The following GPR27 variants were observed in gnomAD, a reference collection of about 807,000 sequenced individuals.
The protein encoded by GPR27 is G protein-coupled receptor 27, also known as probable G protein-coupled receptor 27.
A neutral mutation model predicts 2.4 loss-of-function variants in GPR27; 3 were observed. The ratio of observed to expected loss-of-function variants is 1.23; its 90% CI spans 0.56 to 3.18. The LOEUF (loss-of-function observed/expected upper bound fraction) is 3.18. GPR27 is among the 30% of genes most tolerant of loss of function. The pLI, the probability that GPR27 is intolerant of heterozygous loss-of-function variation, is 0.03. For synonymous variants in GPR27, 367 were observed against 296.4 expected (o/e 1.24, Z -2.45); for missense variants, 526 against 566.1 (o/e 0.93, Z 0.72).
At position 71,755,158 on chromosome 3, in the gene GPR27, T is replaced by C; in HGVS notation, c.1109T>C (p.Leu370Pro). 6.2e-7 allele frequency: 1 copy of C among 1,604,302 alleles called. No homozygotes were observed. The highest frequency in any genetic ancestry group is 1.3e-5 in the African/African-American group (1 of 74,956). Residue 370 changes from leucine (L) to proline (P), a missense_variant, in exon 1 of 1, where the codon CTG becomes CCG. Coordinates refer to ENST00000304411, the MANE Select transcript of GPR27 (RefSeq NM_018971.3). Reference protein sequence around the residue: ...RTTQATHPCDLKGIGL With the variant: ...RTTQATHPCDPKGIGL Reference sequence around the variant, plus strand: ...ACCCAGGCGACCCATCCCTGCGACCTGAAAGGCATTGGTTTATGAGGGAGG... The same window carrying C: ...ACCCAGGCGACCCATCCCTGCGACCCGAAAGGCATTGGTTTATGAGGGAGG...
chr3:71,755,227 G>A lies in GPR27; in HGVS notation c.*50G>A. Reference sequence around the variant, plus strand: ...CAACCCAGCCTTTCCCTTTGGCTCGGACGGTGACGTTGTATCTTTTCCTTC... The same window carrying A: ...CAACCCAGCCTTTCCCTTTGGCTCGAACGGTGACGTTGTATCTTTTCCTTC... On this transcript the variant is annotated 3_prime_UTR_variant, in exon 1 of 1. Transcript: ENST00000304411. The A allele has an allele frequency of 7.1e-7, 1 of 1,404,488 alleles. No homozygotes were observed. Among genetic ancestry groups the A allele is most frequent in the Non-Finnish European group, 9.6e-7 (1 of 1,039,174 alleles). The allele number at this position is 1,404,488 out of a possible 1,614,324, so 87.0% of individuals were successfully genotyped here. A position where few individuals can be genotyped will look rare whatever the true frequency, so the allele number is the denominator to read the frequency against.
Position 71,755,319 on chromosome 3 carries a change from C to A in GPR27, c.*142C>A. Reference sequence around the variant, plus strand: ...GAAGTGGACAGACACTTGGATTGTACTGACTCCTTTGGGGGTGGGGTGGGT... The same window carrying A: ...GAAGTGGACAGACACTTGGATTGTAATGACTCCTTTGGGGGTGGGGTGGGT... On this transcript the variant is annotated 3_prime_UTR_variant, in exon 1 of 1. Coordinates refer to ENST00000304411, the MANE Select transcript of GPR27 (RefSeq NM_018971.3). The A allele has an allele frequency of 1.4e-6, 1 of 721,656 alleles. No homozygotes were observed. Among genetic ancestry groups the A allele is most frequent in the Non-Finnish European group, 2.2e-6 (1 of 447,092 alleles). The allele number at this position is 721,656 out of a possible 1,614,324, so 44.7% of individuals were successfully genotyped here.
At position 71,754,123 on chromosome 3, in the gene GPR27, T is replaced by C; in HGVS notation, c.74T>C (p.Leu25Pro). ...GCCCTGGGCCTCAAGCTGGCCACGC[T>C]CAGCCTGCTGCTGTGCGTGAGCCTA... The part of the protein sequence containing the change: ...AAALGLKLAT[L>P]SLLLCVSLAG... The change falls in exon 1 of 1, where the codon CTC becomes CCC. Residue 25 changes from leucine (L) to proline (P), a missense_variant. Leu to Pro is a moderately conservative substitution (Grantham distance 98). Transcript: ENST00000304411. This position sits in a 1 kb window ranked among gnomAD's most constrained non-coding sequence, Gnocchi z 5.8. 1.4e-6 allele frequency: 2 copies of C among 1,432,618 alleles called. No homozygotes were observed. Among genetic ancestry groups the C allele is most frequent in the Non-Finnish European group, 1.8e-6 (2 of 1,083,934 alleles). 88.7% of individuals were successfully genotyped at this position (1,432,618 alleles called of 1,614,324 possible). A position where few individuals can be genotyped will look rare whatever the true frequency, so the allele number is the denominator to read the frequency against.
Position 71,753,932 on chromosome 3 carries a change from G to C in GPR27, c.-118G>C. On this transcript the variant is annotated 5_prime_UTR_variant, in exon 1 of 1. Transcript: ENST00000304411. ...GCCGGCCGGGAGCGGGCTGAGCCCCGCAGGACGGGGAGCTCGCCCAGGGCC... is the reference window on the plus strand; with the variant it reads ...GCCGGCCGGGAGCGGGCTGAGCCCCCCAGGACGGGGAGCTCGCCCAGGGCC... 9.9e-7 allele frequency: 1 copy of C among 1,007,272 alleles called. No individual in the cohort carries two copies. Among genetic ancestry groups the C allele is most frequent in the South Asian group, 4.5e-5 (1 of 22,238 alleles). The allele number at this position is 1,007,272 out of a possible 1,614,324, so 62.4% of individuals were successfully genotyped here.
Position 71,754,544 on chromosome 3 carries a change from C to G in GPR27, c.495C>G (p.Asp165Glu), listed in dbSNP as rs531462411. The G allele has an allele frequency of 1.9e-4, 252 of 1,349,584 alleles. No homozygotes were observed. In the African/African-American group the frequency reaches 3.7e-3, roughly 20 times the overall value. The allele number at this position is 1,349,584 out of a possible 1,614,324, so 83.6% of individuals were successfully genotyped here. A position where few individuals can be genotyped will look rare whatever the true frequency, so the allele number is the denominator to read the frequency against. ...AFPPVLDGGG[D>E]DEDAPCALEQ... ...CGCCAGTGCTGGACGGCGGTGGCGA[C>G]GACGAGGACGCGCCGTGCGCCCTGG... Residue 165 changes from aspartate (D) to glutamate (E), a missense_variant, in exon 1 of 1, where the codon GAC becomes GAG. This residue lies in a region of GPR27 where 312 missense variants were observed against 318.4 expected (regional missense o/e 0.98). Coordinates refer to ENST00000304411, the MANE Select transcript of GPR27 (RefSeq NM_018971.3). The surrounding 1 kb of genome is among the most constrained non-coding windows in gnomAD (Gnocchi z 5.8).
Position 71,755,299 on chromosome 3 carries a change from G to T in GPR27, c.*122G>T. On this transcript the variant is annotated 3_prime_UTR_variant, in exon 1 of 1. Transcript: ENST00000304411. The stretch of plus-strand genomic sequence containing the variant: ...AGCTGCCTTCAAAATGACTCGAAGT[G>T]GACAGACACTTGGATTGTACTGACT... 2 of 828,536 alleles carry T rather than the reference G, an allele frequency of 2.4e-6. No homozygotes were observed. The highest frequency in any genetic ancestry group is 3.7e-6 in the Non-Finnish European group (2 of 539,278). 51.3% of individuals were successfully genotyped at this position (828,536 alleles called of 1,614,324 possible).
Position 71,754,576 on chromosome 3 carries a change from G to C in GPR27, c.527G>C (p.Arg176Pro). 7.1e-7 allele frequency: 1 copy of C among 1,401,122 alleles called. No individual in the cohort carries two copies. The highest frequency in any genetic ancestry group is 9.3e-7 in the Non-Finnish European group (1 of 1,075,608). The allele number at this position is 1,401,122 out of a possible 1,614,324, so 86.8% of individuals were successfully genotyped here. Residue 176 changes from arginine (R) to proline (P), a missense_variant, in exon 1 of 1, where the codon CGG becomes CCG. Physicochemically the swap from Arg to Pro is moderately radical, Grantham distance 103 (BLOSUM62 -2). Around this residue, in one of 3 missense-constraint regions of GPR27, gnomAD observed 312 missense variants for 318.4 expected, o/e 0.98. Coordinates refer to ENST00000304411, the MANE Select transcript of GPR27 (RefSeq NM_018971.3). The surrounding 1 kb of genome is among the most constrained non-coding windows in gnomAD (Gnocchi z 5.8). ...GACGCGCCGTGCGCCCTGGAGCAGC[G>C]GCCCGACGGCGCCCCCGGCGCGCTG... ...DEDAPCALEQ[R>P]PDGAPGALGF...
chr3:71,754,842 C>T lies in GPR27; in HGVS notation c.793C>T (p.Arg265Cys), dbSNP rs757781684. Residue 265 changes from arginine to cysteine, a missense_variant, in exon 1 of 1, where the codon CGC (arginine) becomes TGC (cysteine). By Grantham distance (180) the Arg-to-Cys change is radical. Around this residue, in one of 3 missense-constraint regions of GPR27, gnomAD observed 98 missense variants for 146.7 expected, o/e 0.67. Coordinates refer to ENST00000304411, the MANE Select transcript of GPR27 (RefSeq NM_018971.3). The surrounding 1 kb of genome is among the most constrained non-coding windows in gnomAD (Gnocchi z 5.8). ...GGGCATCCGGCCCGCAGGGCCGGGC[C>T]GCGGCGCGCGCCGCCTCCTCGTGCT... ...LVGIRPAGPG[R>C]GARRLLVLEE... is the part of the protein sequence containing the mutation. 6.3e-6 allele frequency: 10 copies of T among 1,593,340 alleles called. No homozygotes were observed. Among genetic ancestry groups the T allele is most frequent in the Admixed American group, 1.7e-5 (1 of 57,770 alleles).
rs770587116 is a variant in GPR27, at chr3:71,754,996, C to T, written c.947C>T (p.Pro316Leu). 1.9e-6 allele frequency: 3 copies of T among 1,613,312 alleles called. No individual in the cohort carries two copies. Among genetic ancestry groups the T allele is most frequent in the Admixed American group, 1.7e-5 (1 of 60,010 alleles). ...LRVLVRPGAV[P>L]QAYLTASVWL... is the part of the protein sequence containing the mutation. Reference sequence around the variant, plus strand: ...GTCCTGGTGCGGCCCGGCGCCGTCCCCCAGGCCTACCTGACGGCCTCCGTG... The same window carrying T: ...GTCCTGGTGCGGCCCGGCGCCGTCCTCCAGGCCTACCTGACGGCCTCCGTG... The change falls in exon 1 of 1, where the codon CCC becomes CTC. Residue 316 changes from proline to leucine, a missense_variant. By Grantham distance (98) the Pro-to-Leu change is moderately conservative (BLOSUM62 -3). This residue lies in a region of GPR27 where 116 missense variants were observed against 100.9 expected (regional missense o/e 1.15). Coordinates refer to ENST00000304411, the MANE Select transcript of GPR27 (RefSeq NM_018971.3). The surrounding 1 kb of genome is among the most constrained non-coding windows in gnomAD (Gnocchi z 5.8).
chr3:71,754,466 C>T lies in GPR27; in HGVS notation c.417C>T (p.Cys139=). 7.5e-7 allele frequency: 1 copy of T among 1,330,008 alleles called. No individual in the cohort carries two copies. Among genetic ancestry groups the T allele is most frequent in the Non-Finnish European group, 9.7e-7 (1 of 1,034,568 alleles). The allele number at this position is 1,330,008 out of a possible 1,614,324, so 82.4% of individuals were successfully genotyped here. Residue 139 remains cysteine, a synonymous_variant, in exon 1 of 1, where the codon TGC becomes TGT. Coordinates refer to ENST00000304411, the MANE Select transcript of GPR27 (RefSeq NM_018971.3). The surrounding 1 kb of genome is among the most constrained non-coding windows in gnomAD (Gnocchi z 5.8). ...CAGAGCGCCTGGCCGGCTGGCCGTG[C>T]GCCGCCATGCTGGTGTGCGCCGCCT... ...FYAERLAGWP[C]AAMLVCAAWA... is the part of the protein sequence containing the mutation.
chr3:71,754,157 C>T lies in GPR27; in HGVS notation c.108C>T (p.Asn36=), dbSNP rs1355170492. 2 of 1,456,500 alleles carry T rather than the reference C, an allele frequency of 1.4e-6. No homozygotes were observed. Among genetic ancestry groups the T allele is most frequent in the Non-Finnish European group, 1.8e-6 (2 of 1,095,932 alleles). The allele number at this position is 1,456,500 out of a possible 1,614,324, so 90.2% of individuals were successfully genotyped here. A position where few individuals can be genotyped will look rare whatever the true frequency, so the allele number is the denominator to read the frequency against. The change falls in exon 1 of 1, where the codon AAC becomes AAT. Residue 36 remains asparagine (N), a synonymous_variant. Transcript: ENST00000304411. This position sits in a 1 kb window ranked among gnomAD's most constrained non-coding sequence, Gnocchi z 5.8. ...TGCTGTGCGTGAGCCTAGCGGGCAA[C>T]GTGCTGTTCGCGCTGCTGATCGTGC... ...SLLLCVSLAG[N]VLFALLIVRE...
Position 71,753,898 on chromosome 3 carries a change from C to T in GPR27, c.-152C>T. 4.3e-6 allele frequency: 4 copies of T among 922,994 alleles called. No homozygotes were observed. The highest frequency in any genetic ancestry group is 5.2e-6 in the Non-Finnish European group (4 of 769,460). 57.2% of individuals were successfully genotyped at this position (922,994 alleles called of 1,614,324 possible). On this transcript the variant is annotated 5_prime_UTR_variant, in exon 1 of 1. Coordinates refer to ENST00000304411, the MANE Select transcript of GPR27 (RefSeq NM_018971.3). The stretch of plus-strand genomic sequence containing the variant: ...GCGGCACAGCGGCGGCTCGGGGAGC[C>T]CAGGAGGGGCCGGCCGGGAGCGGGC...
rs755310150 is a variant in GPR27 at position 71,754,355 on chromosome 3, C to G, written c.306C>G (p.Ala102=). ...ALGCKLLAFL[A]ALFCFHAAFL... The stretch of plus-strand genomic sequence containing the variant: ...GCTGCAAGCTGCTCGCCTTCCTGGC[C>G]GCGCTCTTCTGCTTCCACGCCGCCT... The change falls in exon 1 of 1, where the codon GCC becomes GCG. Residue 102 remains alanine (A), a synonymous_variant. Transcript: ENST00000304411. This position sits in a 1 kb window ranked among gnomAD's most constrained non-coding sequence, Gnocchi z 5.8. The G allele has an allele frequency of 2.3e-6, 3 of 1,314,082 alleles. No individual in the cohort carries two copies. The highest frequency in any genetic ancestry group is 2.9e-6 in the Non-Finnish European group (3 of 1,021,872). 81.4% of individuals were successfully genotyped at this position (1,314,082 alleles called of 1,614,324 possible). A position where few individuals can be genotyped will look rare whatever the true frequency, so the allele number is the denominator to read the frequency against.
In GPR27 at chr3:71,755,046, A is replaced by C. The variant is rs761258088; in HGVS notation, c.997A>C (p.Ile333Leu). The change falls in exon 1 of 1, where the codon ATC becomes CTC. Residue 333 changes from isoleucine (I) to leucine (L), a missense_variant. Transcript: ENST00000304411. Reference sequence around the variant, plus strand: ...GTGGCTGACCTTCGCGCAGGCCGGCATCAACCCCGTCGTGTGCTTCCTCTT... The same window carrying C: ...GTGGCTGACCTTCGCGCAGGCCGGCCTCAACCCCGTCGTGTGCTTCCTCTT... ...SVWLTFAQAG[I>L]NPVVCFLFNR... 56 of 1,612,250 alleles carry C rather than the reference A, an allele frequency of 3.5e-5. No individual in the cohort carries two copies. In the East Asian group the frequency reaches 4.7e-4, roughly 13 times the overall value.
rs201121673 is a variant in GPR27, at chr3:71,755,168, T to C, written c.1119T>C (p.Ile373=). Residue 373 remains isoleucine, a synonymous_variant, in exon 1 of 1, where the codon ATT becomes ATC. Transcript: ENST00000304411. ...CCCATCCCTGCGACCTGAAAGGCATTGGTTTATGAGGGAGGCCCCGCCACA... is the reference window on the plus strand; with the variant it reads ...CCCATCCCTGCGACCTGAAAGGCATCGGTTTATGAGGGAGGCCCCGCCACA... ...QATHPCDLKG[I]GL 1.2e-4 allele frequency: 189 copies of C among 1,601,624 alleles called. 1 individual carries two copies. In the East Asian group the frequency reaches 3.8e-3, roughly 32 times the overall value.
rs755839207 is a variant in GPR27 at position 71,754,295 on chromosome 3, G to A, written c.246G>A (p.Ala82=). The A allele has an allele frequency of 1.7e-6, 2 of 1,148,194 alleles. No individual in the cohort carries two copies. The highest frequency in any genetic ancestry group is 4.3e-5 in the East Asian group (1 of 23,432). 71.1% of individuals were successfully genotyped at this position (1,148,194 alleles called of 1,614,324 possible). The change falls in exon 1 of 1, where the codon GCG becomes GCA. Residue 82 remains alanine (A), a synonymous_variant. Coordinates refer to ENST00000304411, the MANE Select transcript of GPR27 (RefSeq NM_018971.3). This position sits in a 1 kb window ranked among gnomAD's most constrained non-coding sequence, Gnocchi z 5.8. ...CCGTCATGCTGGCGGCGCGGCGTGC[G>A]GCGGCCGCGGCGGGGGCGCCGCCGG... The part of the protein sequence containing the change: ...LPAVMLAARR[A]AAAAGAPPGA...
At position 71,755,205 on chromosome 3, in the gene GPR27, C is replaced by A; in HGVS notation, c.*28C>A. The A allele has an allele frequency of 1.3e-6, 2 of 1,518,184 alleles. No individual in the cohort carries two copies. Among genetic ancestry groups the A allele is most frequent in the Non-Finnish European group, 1.8e-6 (2 of 1,123,670 alleles). The allele number at this position is 1,518,184 out of a possible 1,614,324, so 94.0% of individuals were successfully genotyped here. On this transcript the variant is annotated 3_prime_UTR_variant, in exon 1 of 1. Coordinates refer to ENST00000304411, the MANE Select transcript of GPR27 (RefSeq NM_018971.3). Reference sequence around the variant, plus strand: ...GAGGCCCCGCCACATAGACCCCCAACCCAGCCTTTCCCTTTGGCTCGGACG... The same window carrying A: ...GAGGCCCCGCCACATAGACCCCCAAACCAGCCTTTCCCTTTGGCTCGGACG...
chr3:71,754,145 C>T lies in GPR27; in HGVS notation c.96C>T (p.Ser32=). The change falls in exon 1 of 1, where the codon AGC becomes AGT. Residue 32 remains serine, a synonymous_variant. Coordinates refer to ENST00000304411, the MANE Select transcript of GPR27 (RefSeq NM_018971.3). This position sits in a 1 kb window ranked among gnomAD's most constrained non-coding sequence, Gnocchi z 5.8. ...CGCTCAGCCTGCTGCTGTGCGTGAG[C>T]CTAGCGGGCAACGTGCTGTTCGCGC... ...LATLSLLLCV[S]LAGNVLFALL... The T allele has an allele frequency of 2.1e-6, 3 of 1,458,774 alleles. No homozygotes were observed. The highest frequency in any genetic ancestry group is 2.3e-4 in the Middle Eastern group (1 of 4,342). 90.4% of individuals were successfully genotyped at this position (1,458,774 alleles called of 1,614,324 possible). A position where few individuals can be genotyped will look rare whatever the true frequency, so the allele number is the denominator to read the frequency against.
In GPR27 at chr3:71,755,394, A is replaced by C; in HGVS notation, c.*217A>C. The C allele has an allele frequency of 3.6e-6, 2 of 548,926 alleles. No individual in the cohort carries two copies. The highest frequency in any genetic ancestry group is 6.4e-6 in the Non-Finnish European group (2 of 310,486). The allele number at this position is 548,926 out of a possible 1,614,324, so 34.0% of individuals were successfully genotyped here. The stretch of plus-strand genomic sequence containing the variant: ...CCAGCTCCGCACATTCGTCCTCCTA[A>C]CTCGACTTTCTTCCTGACAATAGGC... On this transcript the variant is annotated 3_prime_UTR_variant, in exon 1 of 1. Transcript: ENST00000304411.
Sources: gnomAD v4.1 joint callset for allele counts on GRCh38, gnomAD v4.1.1 for gene constraint, gnomAD v4.1.1 regional missense constraint, Gnocchi (gnomAD v3.1) non-coding constraint, MANE v1.5 for transcripts, NCBI Gene and HGNC (gene_info 2026-07-23, HGNC 2026-07-21) for gene names.